Variants in ZFYVE9 observed in about 807,000 individuals in gnomAD.
ZFYVE9 encodes the protein zinc finger FYVE-type containing 9.
A neutral mutation model predicts 126.7 loss-of-function variants in ZFYVE9; 43 were observed. The observed-to-expected ratio is 0.34, with a 90% CI of 0.27 to 0.44. The LOEUF is 0.44. ZFYVE9 is among the 20% of genes least tolerant of loss of function. The pLI is 1.00. For missense variants in ZFYVE9, 1,476 were observed against 1,697.0 expected (o/e 0.87, Z 2.29); for synonymous variants, 521 against 597.4 (o/e 0.87, Z 1.87).
chr1:52,273,337 T>C (rs544659466), intron 7 of ZFYVE9, among the ~76,000 whole-genome samples: 1 of 152,222 alleles, frequency 6.6e-6, no homozygotes, highest in East Asian at 1.9e-4. Flanking sequence ...TTCTATTTCA[T>C]GTTTAAGTTA....
intron 12 of ZFYVE9, among the ~76,000 whole-genome samples, chr1:52,303,411 T>C (rs1646053508): frequency 6.6e-6 from 1 of 152,162 alleles, no homozygotes; most frequent in Non-Finnish European, 1.5e-5. Flanking sequence ...GTGTGTGTGT[T>C]TCCTTACAGA....
chr1:52,314,245 A>G (rs538026058), intron 13 of ZFYVE9, among the ~76,000 whole-genome samples: 1 of 152,362 alleles, frequency 6.6e-6, no homozygotes, highest in African/African-American at 2.4e-5. Flanking sequence ...TTCCTTATAT[A>G]CTTAGGTATT....
At chr1:52,182,091 A>C (rs1402669310) in intron 1 of ZFYVE9, among the ~76,000 whole-genome samples, 2 of 149,102 alleles carry the variant, frequency 1.3e-5, no homozygotes, top group East Asian at 4.1e-4. Context: ...GTCCGGAGGG[A>C]GGTGGGGGGG....
chr1:52,177,496 C>T (rs771347043), intron 1 of ZFYVE9, among the ~76,000 whole-genome samples: 6 of 152,136 alleles, frequency 3.9e-5, no homozygotes, highest in Non-Finnish European at 5.9e-5. Context: ...CTGTCCAGTA[C>T]ATGACCCATG....
At chr1:52,255,704 G>T (rs1645499919) in intron 4 of ZFYVE9, among the ~76,000 whole-genome samples, 1 of 152,044 alleles carries the variant, frequency 6.6e-6, no homozygotes, top group Non-Finnish European at 1.5e-5. Context: ...ACTAGCTTGG[G>T]CAACGTGGCA....
intron 4 of ZFYVE9, among the ~76,000 whole-genome samples, chr1:52,251,005 C>G (rs1645439129): frequency 6.6e-6 from 1 of 151,908 alleles, no homozygotes; most frequent in African/African-American, 2.4e-5. Context: ...AGTCACCATG[C>G]TTGGCCAGTT....
intron 1 of ZFYVE9, among the ~76,000 whole-genome samples, chr1:52,197,902 T>C (rs943721954): frequency 1.4e-4 from 22 of 152,140 alleles, no homozygotes; most frequent in African/African-American, 4.6e-4. Context: ...GTTTGAAATT[T>C]GAGGTGTAGT....
intron 1 of ZFYVE9, among the ~76,000 whole-genome samples, chr1:52,182,918 C>A (rs1349693297): frequency 6.7e-6 from 1 of 150,086 alleles, no homozygotes; most frequent in African/African-American, 2.5e-5. Flanking sequence ...TGACATATAA[C>A]TATAAAAAGA....
rs774176618 is a variant in ZFYVE9, at chr1:52,237,539, A to T, written c.122A>T (p.Asp41Val). The T allele has an allele frequency of 1.2e-6, 2 of 1,613,870 alleles. No individual in the cohort carries two copies. Among genetic ancestry groups the T allele is most frequent in the Non-Finnish European group, 1.7e-6 (2 of 1,179,828 alleles). ...LLDTKWNKIL[D>V]PPSHRLSFNP... ...GATACAAAGTGGAATAAGATTCTAG[A>T]TCCCCCTTCTCACCGGCTGTCATTT... Residue 41 changes from aspartate (D) to valine (V), a missense_variant, in exon 4 of 19, where the codon GAT becomes GTT. Around this residue, in one of 2 missense-constraint regions of ZFYVE9, gnomAD observed 807 missense variants for 794.6 expected, o/e 1.02. Coordinates refer to ENST00000287727, the MANE Select transcript of ZFYVE9 (RefSeq NM_004799.4).
chr1:52,333,703 C>T (rs1266959443), intron 14 of ZFYVE9, among the ~76,000 whole-genome samples: 3 of 151,930 alleles, frequency 2.0e-5, no homozygotes, highest in Non-Finnish European at 4.4e-5. Context: ...TGCCTGTAAT[C>T]CCAGCACTTT....
Position 52,278,592 on chromosome 1 carries a change from G to C in ZFYVE9, c.2847G>C (p.Leu949Phe). Residue 949 changes from leucine (L) to phenylalanine (F), a missense_variant, in exon 9 of 19, where the codon TTG becomes TTC. Physicochemically the swap from Leu to Phe is conservative, Grantham distance 22 (BLOSUM62 0). This residue lies in a region of ZFYVE9 where 669 missense variants were observed against 902.4 expected (regional missense o/e 0.74). Transcript: ENST00000287727. The stretch of plus-strand genomic sequence containing the variant: ...TATTTGTTTTAAATGCAAATTTGTT[G>C]TCAATGGTTAAAATTGTAAATTGTA... The part of the protein sequence containing the change: ...PLVFVLNANL[L>F]SMVKIVNYVN... 1 of 1,585,576 alleles carries C rather than the reference G, an allele frequency of 6.3e-7. No individual in the cohort carries two copies. Among genetic ancestry groups the C allele is most frequent in the Non-Finnish European group, 8.6e-7 (1 of 1,163,072 alleles).
At chr1:52,265,344 C>T (rs1361624548) in intron 5 of ZFYVE9, among the ~76,000 whole-genome samples, 10 of 152,104 alleles carry the variant, frequency 6.6e-5, no homozygotes, top group Non-Finnish European at 1.5e-5. Context: ...TGTTACTAGC[C>T]TTGTCTTGCA....
intron 5 of ZFYVE9, among the ~76,000 whole-genome samples, chr1:52,264,583 G>C (rs1645614954): frequency 6.6e-6 from 1 of 152,172 alleles, no homozygotes; most frequent in Non-Finnish European, 1.5e-5. Flanking sequence ...TCAGGTTATA[G>C]TATTTTCTCT....
At chr1:52,244,908 A>T (rs774036481) in intron 4 of ZFYVE9, among the ~76,000 whole-genome samples, 1 of 152,176 alleles carries the variant, frequency 6.6e-6, no homozygotes, top group African/African-American at 2.4e-5. Flanking sequence ...CTGTAATCTC[A>T]GCACTTTGGG....
intron 13 of ZFYVE9, among the ~76,000 whole-genome samples, chr1:52,320,724 G>A (rs913917837): frequency 6.6e-6 from 1 of 152,194 alleles, no homozygotes; most frequent in African/African-American, 2.4e-5. Flanking sequence ...GCTTGAAGGA[G>A]GGTGAGGGAA....
chr1:52,241,216 G>C (rs575965612), intron 4 of ZFYVE9, among the ~76,000 whole-genome samples: 1 of 152,036 alleles, frequency 6.6e-6, no homozygotes, highest in Non-Finnish European at 1.5e-5. Context: ...AAAAAGGAGA[G>C]GAGGAAAATG....
intron 13 of ZFYVE9, among the ~76,000 whole-genome samples, chr1:52,309,251 C>A (rs1646114946): frequency 6.6e-6 from 1 of 152,118 alleles, no homozygotes; most frequent in African/African-American, 2.4e-5. Flanking sequence ...CCAAGGTGGG[C>A]AGATTGCTTG....
chr1:52,168,589 C>T (rs115812664), intron 1 of ZFYVE9, among the ~76,000 whole-genome samples: 9,807 of 150,820 alleles, frequency 0.065, 356 homozygotes, highest in African/African-American at 0.1. Flanking sequence ...TTGATTGTGG[C>T]TCACTGTGGC....
intron 1 of ZFYVE9, among the ~76,000 whole-genome samples, chr1:52,167,295 T>A: frequency 6.6e-6 from 1 of 152,196 alleles, no homozygotes; most frequent in Non-Finnish European, 1.5e-5. Context: ...CTTGACCCCA[T>A]CAATCTTGGT....
Sources: gnomAD v4.1 joint callset for allele counts (sites outside exome capture counted in the v4.1 genomes callset) on GRCh38, gnomAD v4.1.1 for gene constraint, gnomAD v4.1.1 regional missense constraint, MANE v1.5 for transcripts, NCBI Gene and HGNC (gene_info 2026-07-23, HGNC 2026-07-21) for gene names.